The following ADAM12 variants were observed in gnomAD, a reference collection of about 807,000 sequenced individuals.
The protein encoded by ADAM12 is disintegrin and metalloproteinase domain-containing protein 12.
In ADAM12, 70 loss-of-function variants were observed where a neutral mutation model predicts 106.4. The ratio of observed to expected loss-of-function variants is 0.66; its 90% CI spans 0.54 to 0.80. ADAM12 has a LOEUF of 0.80. ADAM12 is among the 30% of genes least tolerant of loss of function. ADAM12 has a pLI of 0.00. For missense variants in ADAM12, 1,010 were observed against 1,171.9 expected (o/e 0.86, Z 2.02); for synonymous variants, 420 against 433.5 (o/e 0.97, Z 0.39).
At chr10:126,143,852 G>A (rs1415437243) in intron 4 of ADAM12, among the ~76,000 whole-genome samples, 2 of 152,110 alleles carry the variant, frequency 1.3e-5, no homozygotes, top group Non-Finnish European at 2.9e-5. Context: ...TCCCTTGCAC[G>A]CAAGCCCCAA....
chr10:126,233,876 G>C (rs544617515), intron 3 of ADAM12, among the ~76,000 whole-genome samples: 1 of 152,298 alleles, frequency 6.6e-6, no homozygotes, highest in Non-Finnish European at 1.5e-5. Context: ...GGTATTTTAT[G>C]ATCCTTTGTA....
chr10:126,309,098 GTGGACACA>G (rs1565204814), intron 2 of ADAM12, among the ~76,000 whole-genome samples: 1 of 152,178 alleles, frequency 6.6e-6, no homozygotes, highest in Non-Finnish European at 1.5e-5. Flanking sequence ...TATGCCAAGA[GTGGACACA>G]TGGCCCAGGC....
At chr10:126,137,908 G>A (rs555146332) in intron 4 of ADAM12, among the ~76,000 whole-genome samples, 166 of 152,326 alleles carry the variant, frequency 1.1e-3, no homozygotes, top group African/African-American at 3.8e-3. Flanking sequence ...GAGTAGACAC[G>A]TGGGTCTAAA....
At chr10:126,353,532 T>C (rs1855432963) in intron 1 of ADAM12, among the ~76,000 whole-genome samples, 1 of 152,232 alleles carries the variant, frequency 6.6e-6, no homozygotes, top group African/African-American at 2.4e-5. Flanking sequence ...AGGCACTCAA[T>C]GATAAACAAG....
intron 1 of ADAM12, among the ~76,000 whole-genome samples, chr10:126,333,757 C>T (rs1854600086): frequency 1.3e-5 from 2 of 152,228 alleles, no homozygotes; most frequent in Admixed American, 1.3e-4. Context: ...GAAACATTTC[C>T]TGTTTCACCT....
intron 2 of ADAM12, among the ~76,000 whole-genome samples, chr10:126,325,332 G>T (rs1015762299): frequency 6.6e-6 from 1 of 152,226 alleles, no homozygotes; most frequent in African/African-American, 2.4e-5. Flanking sequence ...TGCTACCAAG[G>T]GTTGGGAGGG....
Position 126,244,850 on chromosome 10 carries a change from A to C in ADAM12, c.260+34065T>G, listed in dbSNP as rs1157103934. 2.0e-5 allele frequency among the ~76,000 whole-genome samples: 3 copies of C among 152,242 alleles called. 1 individual carries two copies. The highest frequency in any genetic ancestry group is 4.4e-5 in the Non-Finnish European group (3 of 68,054). ...TAGAAATTGAACAGCAAAAGCTTTAAGAGAAGATGATATTGGAGTTGTACA... is the reference window on the plus strand; with the variant it reads ...TAGAAATTGAACAGCAAAAGCTTTACGAGAAGATGATATTGGAGTTGTACA... On this transcript the variant is annotated intron_variant, in intron 3 of 22. Transcript: ENST00000448723.
intron 1 of ADAM12, among the ~76,000 whole-genome samples, chr10:126,347,279 G>A (rs1398306729): frequency 6.6e-6 from 1 of 152,154 alleles, no homozygotes; most frequent in African/African-American, 2.4e-5. Flanking sequence ...CTTCACTTAT[G>A]AAGCTTAGTT....
At chr10:126,079,458 T>C (rs1359510513) in intron 11 of ADAM12, among the ~76,000 whole-genome samples, 1 of 152,170 alleles carries the variant, frequency 6.6e-6, no homozygotes, top group Non-Finnish European at 1.5e-5. Context: ...TCCTTTCCCT[T>C]AGAATAGTGT....
rs78280465 is a variant in ADAM12, at chr10:126,349,802, A to G, written c.89-19293T>C. On this transcript the variant is annotated intron_variant, in intron 1 of 22. Transcript: ENST00000448723. ...CACCAGATCTATCAGATCTATAACAATGCAAATACTATTACATTTATCTCT... is the reference window on the plus strand; with the variant it reads ...CACCAGATCTATCAGATCTATAACAGTGCAAATACTATTACATTTATCTCT... Among the ~76,000 whole-genome samples, 995 of 152,330 alleles carry G rather than the reference A, an allele frequency of 6.5e-3. 8 individuals are homozygous for G. Among genetic ancestry groups the G allele is most frequent in the African/African-American group, 0.023 (952 of 41,582 alleles).
chr10:126,167,573 G>T (rs1420213639), intron 3 of ADAM12, among the ~76,000 whole-genome samples: 1 of 152,168 alleles, frequency 6.6e-6, no homozygotes, highest in African/African-American at 2.4e-5. Flanking sequence ...GTCATTTTAT[G>T]TGTATCAGTT....
intron 1 of ADAM12, among the ~76,000 whole-genome samples, chr10:126,353,984 A>C (rs1308886334): frequency 6.6e-6 from 1 of 152,094 alleles, no homozygotes; most frequent in African/African-American, 2.4e-5. Flanking sequence ...AAGTTAACCA[A>C]TTCAAACTTG....
intron 11 of ADAM12, among the ~76,000 whole-genome samples, chr10:126,075,551 AAAAAAT>A (rs1408160088): frequency 5.3e-5 from 8 of 152,208 alleles, no homozygotes; most frequent in Non-Finnish European, 1.2e-4. Context: ...ATTAAGGAGA[AAAAAAT>A]AAAAGAGCAA....
In ADAM12 at chr10:126,016,434, T is replaced by C. The variant is rs1296304758; in HGVS notation, c.*845A>G. On this transcript the variant is annotated 3_prime_UTR_variant, in exon 23 of 23. Transcript: ENST00000448723. ...TTGCAGTGCCTGGGCAGTAGGTTTC[T>C]TACAGAAACACCACCTTTCCCAAGC... 6.6e-6 allele frequency: 1 copy of C among 152,200 alleles called. No homozygotes were observed. The highest frequency in any genetic ancestry group is 1.5e-5 in the Non-Finnish European group (1 of 68,056). 9.4% of individuals were successfully genotyped at this position (152,200 alleles called of 1,614,324 possible).
intron 2 of ADAM12, among the ~76,000 whole-genome samples, chr10:126,310,158 C>CA (rs35363888): frequency 0.026 from 2,645 of 100,434 alleles, 44 homozygotes; most frequent in Admixed American, 0.035. Context: ...GACTCTGTCT[C>CA]AAAAAAAAAA....
intron 21 of ADAM12, among the ~76,000 whole-genome samples, chr10:126,033,248 CAG>C (rs1488530470): frequency 6.6e-6 from 1 of 152,052 alleles, no homozygotes; most frequent in East Asian, 1.9e-4. Flanking sequence ...AGCTGTAAAT[CAG>C]AATTTTTTTT....
intron 3 of ADAM12, among the ~76,000 whole-genome samples, chr10:126,235,601 C>T (rs960188684): frequency 2.0e-5 from 3 of 152,060 alleles, no homozygotes; most frequent in East Asian, 1.9e-4. Context: ...AAGGCAGCAG[C>T]GGCACACCGT....
Position 126,196,884 on chromosome 10 carries a change from A to T in ADAM12, c.261-41579T>A, listed in dbSNP as rs1957606442. On this transcript the variant is annotated intron_variant, in intron 3 of 22. Transcript: ENST00000448723. ...GGGAATTTGATTTTAACTTTTCAAAAATGTCAGTCAGGGAAAATCAGGGAA... is the reference window on the plus strand; with the variant it reads ...GGGAATTTGATTTTAACTTTTCAAATATGTCAGTCAGGGAAAATCAGGGAA... Among the ~76,000 whole-genome samples, 3 of 152,212 alleles carry T rather than the reference A, an allele frequency of 2.0e-5. No individual in the cohort carries two copies. In the South Asian group the frequency reaches 6.2e-4, roughly 32 times the overall value.
chr10:126,232,732 G>A (rs1028660497), intron 3 of ADAM12, among the ~76,000 whole-genome samples: 1 of 152,176 alleles, frequency 6.6e-6, no homozygotes, highest in Non-Finnish European at 1.5e-5. Flanking sequence ...GCAGCAAAAC[G>A]AGTGACTTGT....
Sources: allele counts gnomAD v4.1 joint callset (sites outside exome capture counted in the v4.1 genomes callset), GRCh38; gene constraint gnomAD v4.1.1; transcripts MANE v1.5; gene names NCBI Gene and HGNC (gene_info 2026-07-23, HGNC 2026-07-21).